Variants in SLC5A7 observed in about 807,000 individuals in gnomAD.
SLC5A7 encodes the protein solute carrier family 5 member 7, also known as high affinity choline transporter 1.
Under a neutral mutation model 55.4 loss-of-function variants are expected in SLC5A7, and 19 were observed. The ratio of observed to expected loss-of-function variants is 0.34; its 90% CI spans 0.24 to 0.50. SLC5A7 has a LOEUF of 0.50. Among genes scored for constraint, SLC5A7 ranks in the 20% least tolerant of loss-of-function variants. The pLI, the probability that SLC5A7 is intolerant of heterozygous loss-of-function variation, is 0.98. For synonymous variants in SLC5A7, 265 were observed against 263.7 expected, an observed-to-expected ratio of 1.00 and a Z score of -0.05; for missense variants, 506 against 705.3, an observed-to-expected ratio of 0.72 and a Z score of 3.20.
chr2:108,006,155 T>C lies in SLC5A7; in HGVS notation c.848T>C (p.Val283Ala). The C allele has an allele frequency of 6.2e-7, 1 of 1,614,070 alleles. No homozygotes were observed. Among genetic ancestry groups the C allele is most frequent in the Non-Finnish European group, 8.5e-7 (1 of 1,179,990 alleles). The change falls in exon 7 of 9, where the codon GTG becomes GCG. Residue 283 changes from valine (V) to alanine (A), a missense_variant. By Grantham distance (64) the Val-to-Ala change is moderately conservative. Coordinates refer to ENST00000264047, the MANE Select transcript of SLC5A7 (RefSeq NM_021815.5). ...LSFLAAFGCL[V>A]MAIPAILIGA... ...TTCCTGGCAGCTTTCGGGTGCCTGG[T>C]GATGGCCATCCCAGCCATACTCATT... is the stretch of plus-strand genomic sequence containing the variant.
At chr2:107,991,073 T>C (rs1480876018) in intron 2 of SLC5A7, among the ~76,000 whole-genome samples, 2 of 152,218 alleles carry the variant, frequency 1.3e-5, no homozygotes, top group Non-Finnish European at 2.9e-5. Flanking sequence ...CATTAGTTTT[T>C]CAGCAAGGAT....
intron 7 of SLC5A7, among the ~76,000 whole-genome samples, chr2:108,007,484 G>C (rs1380838263): frequency 6.9e-6 from 1 of 145,426 alleles, no homozygotes; most frequent in East Asian, 2.0e-4. Context: ...GTGTGTCTGT[G>C]TGTGTGTGTG....
intron 2 of SLC5A7, 93 bp from the exon 3 acceptor site, chr2:107,992,013 G>T (rs1677471167): frequency 3.2e-6 from 2 of 633,594 alleles, no homozygotes; most frequent in South Asian, 4.8e-5. Flanking sequence ...CATTTCAGGT[G>T]CTCAGTAACT....
Position 108,012,843 on chromosome 2 carries a change from C to A in SLC5A7, c.*1982C>A, listed in dbSNP as rs1351724034. 6.6e-6 allele frequency: 1 copy of A among 152,088 alleles called. No individual in the cohort carries two copies. Among genetic ancestry groups the A allele is most frequent in the East Asian group, 1.9e-4 (1 of 5,188 alleles). The allele number at this position is 152,088 out of a possible 1,614,324, so 9.4% of individuals were successfully genotyped here. On this transcript the variant is annotated 3_prime_UTR_variant, in exon 9 of 9. Transcript: ENST00000264047. Reference sequence around the variant, plus strand: ...AAACCACAGATACTGAAACATTTGACACATAAAAGTAATTAATTGCTGGAG... The same window carrying A: ...AAACCACAGATACTGAAACATTTGAAACATAAAAGTAATTAATTGCTGGAG...
intron 4 of SLC5A7, among the ~76,000 whole-genome samples, chr2:107,994,577 C>T (rs1232887525): frequency 6.6e-6 from 1 of 151,980 alleles, no homozygotes; most frequent in African/African-American, 2.4e-5. Flanking sequence ...CAGAGTGAGA[C>T]TCTGTCTCAA....
At chr2:108,007,393 C>T (rs1280891803) in intron 7 of SLC5A7, among the ~76,000 whole-genome samples, 2 of 147,300 alleles carry the variant, frequency 1.4e-5, no homozygotes, top group Non-Finnish European at 3.0e-5. Flanking sequence ...AGATGACTGA[C>T]GAAGGTGGTA....
chr2:107,989,564 G>A (rs1390712347), intron 2 of SLC5A7, among the ~76,000 whole-genome samples: 4 of 152,164 alleles, frequency 2.6e-5, no homozygotes, highest in Admixed American at 6.5e-5. Context: ...TGGAGATCCC[G>A]GGTTACAAGG....
intron 5 of SLC5A7, among the ~76,000 whole-genome samples, chr2:107,998,299 G>A (rs937495726): frequency 5.3e-5 from 8 of 152,032 alleles, no homozygotes; most frequent in Admixed American, 1.3e-4. Flanking sequence ...CATTTCCCTC[G>A]GCAGAGATAA....
intron 5 of SLC5A7, among the ~76,000 whole-genome samples, chr2:108,000,394 T>A (rs890015035): frequency 6.6e-6 from 1 of 152,076 alleles, no homozygotes; most frequent in African/African-American, 2.4e-5. Context: ...AAAGTGTGTG[T>A]GCCTACACAC....
Position 107,997,986 on chromosome 2 carries a change from G to C in SLC5A7, c.597G>C (p.Leu199=). ...AGCTCTTTTGCATTTTTGTAGGGCTGGTAAGTGGGAGCACCCAAGATTCTC... is the reference window on the plus strand; with the variant it reads ...AGCTCTTTTGCATTTTTGTAGGGCTCGTAAGTGGGAGCACCCAAGATTCTC... ...VVQLFCIFVG[L]WISVPFALSH... Residue 199 remains leucine (L), a splice_region_variant and synonymous_variant, in exon 5 of 9, where the codon CTG becomes CTC. Coordinates refer to ENST00000264047, the MANE Select transcript of SLC5A7 (RefSeq NM_021815.5). 6.2e-7 allele frequency: 1 copy of C among 1,608,800 alleles called. No homozygotes were observed. The highest frequency in any genetic ancestry group is 1.1e-5 in the South Asian group (1 of 89,764).
intron 7 of SLC5A7, 122 bp from the exon 8 acceptor site, chr2:108,008,343 C>T: frequency 1.4e-6 from 1 of 697,542 alleles, no homozygotes; most frequent in Non-Finnish European, 2.4e-6. Context: ...GGACTTCACA[C>T]CAGACTAATG....
chr2:107,986,907 C>T (rs1042568096), intron 1 of SLC5A7, 144 bp downstream of exon 1: 1 of 152,170 alleles, frequency 6.6e-6, no homozygotes, highest in Non-Finnish European at 1.5e-5. Flanking sequence ...CTGTCTGGCA[C>T]CGTTGCTGTC....
chr2:108,006,824 T>G (rs764954405), intron 7 of SLC5A7, among the ~76,000 whole-genome samples: 76 of 152,306 alleles, frequency 5.0e-4, no homozygotes, highest in Non-Finnish European at 5.9e-4. Context: ...TTACCTGTCA[T>G]CCTCATGACC....
chr2:108,007,174 G>A (rs111769050), intron 7 of SLC5A7, among the ~76,000 whole-genome samples: 1,863 of 152,168 alleles, frequency 0.012, 34 homozygotes, highest in African/African-American at 0.043. Flanking sequence ...CATCTTCTAC[G>A]TAGAGGTAAT....
At chr2:107,993,468 A>T (rs1354978245) in intron 4 of SLC5A7, among the ~76,000 whole-genome samples, 2 of 152,222 alleles carry the variant, frequency 1.3e-5, no homozygotes. Flanking sequence ...CTTAACATAA[A>T]TGTTTAAAAC....
Position 108,012,620 on chromosome 2 carries a change from C to T in SLC5A7, c.*1759C>T, listed in dbSNP as rs1678375805. On this transcript the variant is annotated 3_prime_UTR_variant, in exon 9 of 9. Coordinates refer to ENST00000264047, the MANE Select transcript of SLC5A7 (RefSeq NM_021815.5). ...AAATTTGATGGTGAATATTACATTG[C>T]ATTCAAAATCTTCACTGAATATCAT... The T allele has an allele frequency of 6.6e-6, 1 of 152,182 alleles. No individual in the cohort carries two copies. Among genetic ancestry groups the T allele is most frequent in the South Asian group, 2.1e-4 (1 of 4,816 alleles). The allele number at this position is 152,182 out of a possible 1,614,324, so 9.4% of individuals were successfully genotyped here. A position where few individuals can be genotyped will look rare whatever the true frequency, so the allele number is the denominator to read the frequency against.
At chr2:107,996,828 A>G (rs1050392299) in intron 4 of SLC5A7, among the ~76,000 whole-genome samples, 1 of 152,218 alleles carries the variant, frequency 6.6e-6, no homozygotes, top group Non-Finnish European at 1.5e-5. Flanking sequence ...TAAAAATATG[A>G]TATTCAAATC....
At chr2:108,002,062 AG>A in intron 6 of SLC5A7, 22 bp downstream of exon 6, 1 of 1,591,700 alleles carries the variant, frequency 6.3e-7, no homozygotes, top group Non-Finnish European at 8.6e-7. Context: ...TCTTACCTGA[AG>A]AATGTGATTT....
chr2:108,010,858 G>T lies in SLC5A7; in HGVS notation c.1740G>T (p.Gln580His). The T allele has an allele frequency of 6.4e-7, 1 of 1,569,588 alleles. No individual in the cohort carries two copies. The highest frequency in any genetic ancestry group is 8.6e-7 in the Non-Finnish European group (1 of 1,165,728). ...GGTCTGGGACTGAAGATAATTTACAGTGACCCCATCTAAATAAAATACTGC... is the reference window on the plus strand; with the variant it reads ...GGTCTGGGACTGAAGATAATTTACATTGACCCCATCTAAATAAAATACTGC... ...PEGSGTEDNL[Q>H] Residue 580 changes from glutamine (Q) to histidine (H), a missense_variant, in exon 9 of 9, where the codon CAG (glutamine) becomes CAT (histidine). Coordinates refer to ENST00000264047, the MANE Select transcript of SLC5A7 (RefSeq NM_021815.5).
Sources: gnomAD v4.1 joint callset for allele counts (sites outside exome capture counted in the v4.1 genomes callset) on GRCh38, gnomAD v4.1.1 for gene constraint, MANE v1.5 for transcripts, NCBI Gene and HGNC (gene_info 2026-07-23, HGNC 2026-07-21) for gene names.